The following CFAP61 variants were observed in gnomAD, a reference collection of about 807,000 sequenced individuals.
CFAP61 encodes the protein cilia and flagella associated protein 61.
CFAP61 carries 107 observed loss-of-function variants against 135.6 expected under a neutral mutation model. The observed-to-expected ratio is 0.79, with a 90% CI of 0.67 to 0.93. The LOEUF (loss-of-function observed/expected upper bound fraction) is 0.93. Among genes scored for constraint, CFAP61 ranks in the 40% least tolerant of loss-of-function variants. CFAP61 has a pLI of 0.00. For synonymous variants in CFAP61, 575 were observed against 578.5 expected, an observed-to-expected ratio of 0.99 and a Z score of 0.09; for missense variants, 1,507 against 1,556.2, an observed-to-expected ratio of 0.97 and a Z score of 0.53.
chr20:20,110,012 T>C (rs916296628), intron 8 of CFAP61, among the ~76,000 whole-genome samples: 8 of 152,014 alleles, frequency 5.3e-5, no homozygotes, highest in African/African-American at 1.9e-4. Context: ...GTTCAAGTGA[T>C]TCTCCTGTCT....
chr20:20,184,694 T>A (rs1469243231), intron 13 of CFAP61: 1 of 152,224 alleles, frequency 6.6e-6, no homozygotes, highest in Non-Finnish European at 1.5e-5. Flanking sequence ...GAACTTCTGA[T>A]GAGGTAAGAA....
chr20:20,295,040 T>G (rs1224586860), intron 24 of CFAP61, among the ~76,000 whole-genome samples: 1 of 151,642 alleles, frequency 6.6e-6, no homozygotes, highest in Non-Finnish European at 1.5e-5. Flanking sequence ...TGACAGACTC[T>G]CAAGGAACAG....
At chr20:20,324,116 C>A (rs2057658535) in intron 25 of CFAP61, among the ~76,000 whole-genome samples, 1 of 152,108 alleles carries the variant, frequency 6.6e-6, no homozygotes. Flanking sequence ...ATTCTCAATT[C>A]TTATGCATTC....
intron 15 of CFAP61, among the ~76,000 whole-genome samples, chr20:20,192,620 T>C (rs1229900262): frequency 1.3e-5 from 2 of 152,092 alleles, no homozygotes; most frequent in South Asian, 2.1e-4. Flanking sequence ...TCCCTACTTA[T>C]CTCCTTACAC....
At chr20:20,053,751 A>T (rs1299449732) in intron 1 of CFAP61, among the ~76,000 whole-genome samples, 1 of 152,202 alleles carries the variant, frequency 6.6e-6, no homozygotes, top group African/African-American at 2.4e-5. Context: ...TCAAAATTTA[A>T]ATAGAGAAGA....
intron 13 of CFAP61, among the ~76,000 whole-genome samples, chr20:20,182,826 A>T (rs1423280989): frequency 2.0e-5 from 3 of 152,244 alleles, no homozygotes; most frequent in Non-Finnish European, 4.4e-5. Flanking sequence ...TTTATTAGGC[A>T]AAACCACATA....
At chr20:20,060,381 CAAG>C (rs1198100945) in intron 2 of CFAP61, among the ~76,000 whole-genome samples, 7 of 152,124 alleles carry the variant, frequency 4.6e-5, no homozygotes, top group African/African-American at 1.7e-4. Context: ...GCTCAAAACA[CAAG>C]AAGGAATGTC....
chr20:20,150,396 A>G (rs1392850651), intron 9 of CFAP61, among the ~76,000 whole-genome samples: 1 of 152,154 alleles, frequency 6.6e-6, no homozygotes, highest in Admixed American at 6.5e-5. Flanking sequence ...CCCTTCTACT[A>G]TTGCAGCTGG....
intron 25 of CFAP61, among the ~76,000 whole-genome samples, chr20:20,319,916 G>C (rs1321207902): frequency 6.6e-6 from 1 of 152,136 alleles, no homozygotes; most frequent in Non-Finnish European, 1.5e-5. Context: ...AGTCCTTGGT[G>C]GGAAAACACA....
At chr20:20,206,540 G>C (rs1190554127) in intron 17 of CFAP61, among the ~76,000 whole-genome samples, 1 of 152,134 alleles carries the variant, frequency 6.6e-6, no homozygotes, top group Non-Finnish European at 1.5e-5. Flanking sequence ...GCGGTATTTT[G>C]TAATTGGCTT....
At chr20:20,219,913 A>G (rs1410261) in intron 17 of CFAP61, among the ~76,000 whole-genome samples, 21,469 of 152,234 alleles carry the variant, frequency 0.14, 1,632 homozygotes, top group Middle Eastern at 0.22. Context: ...TTTTGTTACC[A>G]TATTTTGTTT....
chr20:20,064,032 A>ACCCAC (rs373522191), intron 2 of CFAP61, among the ~76,000 whole-genome samples: 1 of 113,352 alleles, frequency 8.8e-6, no homozygotes. Context: ...AAATAGAGTA[A>ACCCAC]CCGCCCCCCA....
At chr20:20,292,409 A>G (rs1357751964) in intron 24 of CFAP61, among the ~76,000 whole-genome samples, 1 of 152,200 alleles carries the variant, frequency 6.6e-6, no homozygotes, top group Non-Finnish European at 1.5e-5. Flanking sequence ...AATAAAGGAA[A>G]CCATAAGATC....
At chr20:20,091,925 G>A (rs562175810) in intron 7 of CFAP61, among the ~76,000 whole-genome samples, 23 of 152,094 alleles carry the variant, frequency 1.5e-4, no homozygotes, top group South Asian at 2.1e-4. Flanking sequence ...CAGGTGATCC[G>A]CCCGCCTTGG....
At chr20:20,352,717 C>T (rs181576185) in intron 26 of CFAP61, among the ~76,000 whole-genome samples, 1 of 152,194 alleles carries the variant, frequency 6.6e-6, no homozygotes, top group Non-Finnish European at 1.5e-5. Flanking sequence ...AAACATAAGA[C>T]CGGAAACTGT....
intron 6 of CFAP61, chr20:20,085,039 A>G: frequency 1.2e-6 from 1 of 868,240 alleles, no homozygotes; most frequent in Non-Finnish European, 1.4e-6. Context: ...CACATTCAGA[A>G]TGGAAGATAT....
intron 18 of CFAP61, among the ~76,000 whole-genome samples, chr20:20,236,806 A>T (rs1255708533): frequency 6.6e-6 from 1 of 152,194 alleles, no homozygotes; most frequent in African/African-American, 2.4e-5. Context: ...TCCTTAAGGA[A>T]CAAATTGATT....
At chr20:20,157,744 A>G (rs1233593716) in intron 9 of CFAP61, among the ~76,000 whole-genome samples, 1 of 152,198 alleles carries the variant, frequency 6.6e-6, no homozygotes, top group Non-Finnish European at 1.5e-5. Flanking sequence ...TAAAAGCACA[A>G]TACATAAAAG....
At chr20:20,151,829 CAA>C (rs386393498) in intron 9 of CFAP61, among the ~76,000 whole-genome samples, 2 of 53,356 alleles carry the variant, frequency 3.7e-5, no homozygotes, top group African/African-American at 8.2e-5. Context: ...GACTCCGTCT[CAA>C]AAAAAAAAAA....
Sources: allele counts gnomAD v4.1 joint callset (sites outside exome capture counted in the v4.1 genomes callset), GRCh38; gene constraint gnomAD v4.1.1; transcripts MANE v1.5; gene names NCBI Gene and HGNC (gene_info 2026-07-23, HGNC 2026-07-21).